The following UGT1A4 variants were observed in gnomAD, a reference collection of about 807,000 sequenced individuals.
UGT1A4 encodes UDP glucuronosyltransferase family 1 member A4.
In UGT1A4, 32 loss-of-function variants were observed where a neutral mutation model predicts 41.1. The observed-to-expected ratio is 0.78, with a 90% CI of 0.59 to 1.05. UGT1A4 has a LOEUF of 1.05. Ranked by LOEUF, UGT1A4 falls within the 50% of genes least tolerant of loss-of-function variation. The pLI is 0.00. For synonymous variants in UGT1A4, 283 were observed against 265.1 expected (o/e 1.07, Z -0.66); for missense variants, 748 against 677.4 (o/e 1.10, Z -1.16).
At position 233,769,321 on chromosome 2, in the gene UGT1A4, T is replaced by C. The variant is rs571873884; in HGVS notation, c.1307+882T>C. Among the ~76,000 whole-genome samples, 2 of 152,374 alleles carry C rather than the reference T, an allele frequency of 1.3e-5. No individual in the cohort carries two copies. The highest frequency in any genetic ancestry group is 4.1e-4 in the South Asian group (2 of 4,830). ...AGTATATTACTGTCAAGCTCACTGG[T>C]AATAGGCTTATTAGAACCTTATGGG... On this transcript the variant is annotated intron_variant, in intron 4 of 4. Coordinates refer to ENST00000373409, the MANE Select transcript of UGT1A4 (RefSeq NM_007120.3). The surrounding 1 kb of genome is among the most constrained non-coding windows in gnomAD (Gnocchi z 4.4).
chr2:233,740,218 G>C (rs908803369), intron 1 of UGT1A4, among the ~76,000 whole-genome samples: 7 of 151,840 alleles, frequency 4.6e-5, no homozygotes, highest in Non-Finnish European at 8.8e-5. Flanking sequence ...AGTCTCAGCT[G>C]CGTCTTTATA....
At chr2:233,733,869 C>T (rs975516121) in intron 1 of UGT1A4, among the ~76,000 whole-genome samples, 2 of 151,714 alleles carry the variant, frequency 1.3e-5, no homozygotes, top group Non-Finnish European at 2.9e-5. Context: ...GGAATAGTTT[C>T]AGAAGGAATG....
intron 1 of UGT1A4, chr2:233,761,211 C>G (rs35802766): frequency 6.2e-7 from 1 of 1,613,738 alleles, no homozygotes; most frequent in East Asian, 2.2e-5. Flanking sequence ...TACTTTGGAT[C>G]GATTAACTAG....
intron 1 of UGT1A4, chr2:233,741,673 T>C (rs1691737205): frequency 6.6e-6 from 1 of 151,938 alleles, no homozygotes; most frequent in Non-Finnish European, 1.5e-5. Context: ...TGCTGTTTAT[T>C]GCTTGGGTGC....
At chr2:233,764,893 C>A (rs1252796776) in intron 1 of UGT1A4, among the ~76,000 whole-genome samples, 1 of 150,656 alleles carries the variant, frequency 6.6e-6, no homozygotes, top group Non-Finnish European at 1.5e-5. Flanking sequence ...AAAGACAAAG[C>A]CCTTAAGAGC....
At chr2:233,760,224 G>T in intron 1 of UGT1A4, 1 of 1,586,312 alleles carries the variant, frequency 6.3e-7, no homozygotes. Flanking sequence ...TGTATCGATT[G>T]GTTTTTGCCA....
intron 1 of UGT1A4, chr2:233,747,444 A>G: frequency 6.2e-7 from 1 of 1,609,016 alleles, no homozygotes; most frequent in East Asian, 2.2e-5. Flanking sequence ...TTTCACCCTG[A>G]CAACCTATGC....
At chr2:233,758,327 A>G (rs1696843047) in intron 1 of UGT1A4, among the ~76,000 whole-genome samples, 1 of 152,192 alleles carries the variant, frequency 6.6e-6, no homozygotes, top group Non-Finnish European at 1.5e-5. Flanking sequence ...CAGCCTCAAA[A>G]AGCTTGGAAG....
Position 233,769,822 on chromosome 2 carries a change from T to G in UGT1A4, c.1307+1383T>G, listed in dbSNP as rs978750106. ...ATGAGCCGTGATCATGCCACTGCAC[T>G]CCAGCAACCTGGGCAACAGAGTGAG... On this transcript the variant is annotated intron_variant, in intron 4 of 4. Coordinates refer to ENST00000373409, the MANE Select transcript of UGT1A4 (RefSeq NM_007120.3). This position sits in a 1 kb window ranked among gnomAD's most constrained non-coding sequence, Gnocchi z 4.4. 2.6e-6 allele frequency: 2 copies of G among 764,448 alleles called. No individual in the cohort carries two copies. Among genetic ancestry groups the G allele is most frequent in the Admixed American group, 3.7e-5 (1 of 26,868 alleles). The allele number at this position is 764,448 out of a possible 1,614,324, so 47.4% of individuals were successfully genotyped here.
chr2:233,722,619 T>G (rs1335321752), intron 1 of UGT1A4, among the ~76,000 whole-genome samples: 2 of 152,244 alleles, frequency 1.3e-5, no homozygotes. Context: ...TGATTTTTCT[T>G]AATGAAGCAT....
At chr2:233,757,130 G>A (rs368401609) in intron 1 of UGT1A4, among the ~76,000 whole-genome samples, 1 of 151,410 alleles carries the variant, frequency 6.6e-6, no homozygotes, top group African/African-American at 2.4e-5. Context: ...GAGGAGGAAT[G>A]AGCTTGGACA....
chr2:233,737,540 C>T (rs191771735), intron 1 of UGT1A4, among the ~76,000 whole-genome samples: 164 of 152,332 alleles, frequency 1.1e-3, no homozygotes, highest in East Asian at 4.4e-3. Flanking sequence ...TGCCCTGCTT[C>T]GGCTTGCCCT....
intron 1 of UGT1A4, among the ~76,000 whole-genome samples, chr2:233,725,937 A>T (rs911094598): frequency 6.6e-6 from 1 of 152,148 alleles, no homozygotes; most frequent in Non-Finnish European, 1.5e-5. Context: ...AGACTGATGC[A>T]GGAGGATTGT....
intron 1 of UGT1A4, among the ~76,000 whole-genome samples, chr2:233,726,606 T>C (rs1453810186): frequency 1.3e-5 from 2 of 152,194 alleles, no homozygotes; most frequent in Admixed American, 6.5e-5. Flanking sequence ...GTGATTACAC[T>C]GTCCTGCCCA....
chr2:233,729,230 C>T, intron 1 of UGT1A4: 2 of 1,614,168 alleles, frequency 1.2e-6, no homozygotes, highest in Non-Finnish European at 1.7e-6. Context: ...TTGGTGGTGC[C>T]CATTGATGGC....
Position 233,755,239 on chromosome 2 carries a change from G to A in UGT1A4, c.868-11795G>A, listed in dbSNP as rs1377553031. On this transcript the variant is annotated intron_variant, in intron 1 of 4. Transcript: ENST00000373409. Reference sequence around the variant, plus strand: ...ATACCCTCGGACGAGGCCTACCGGGGTACTCCCAGCACCTCGTAGTAGTCC... The same window carrying A: ...ATACCCTCGGACGAGGCCTACCGGGATACTCCCAGCACCTCGTAGTAGTCC... 1.2e-5 allele frequency: 11 copies of A among 885,954 alleles called. No individual in the cohort carries two copies. In the South Asian group the frequency reaches 1.4e-4, roughly 11 times the overall value. The allele number at this position is 885,954 out of a possible 1,614,324, so 54.9% of individuals were successfully genotyped here.
chr2:233,751,391 A>G (rs1477667065), intron 1 of UGT1A4, among the ~76,000 whole-genome samples: 1 of 152,112 alleles, frequency 6.6e-6, no homozygotes, highest in African/African-American at 2.4e-5. Flanking sequence ...TGTCTCAGAT[A>G]AGACTTTGGA....
In UGT1A4 at chr2:233,723,736, A is replaced by ACGAG. The variant is rs2077123858; in HGVS notation, c.867+4051_867+4054dup. 4.0e-5 allele frequency among the ~76,000 whole-genome samples: 3 copies of ACGAG among 75,838 alleles called. No homozygotes were observed. The South Asian group carries it at 1.9e-3, about 47-fold the overall frequency. 49.8% of individuals were successfully genotyped at this position (75,838 alleles called of 152,430 possible). ...GATTAGGGATTGGTGATGACTCTTA[A>ACGAG]CGAGCATGCTGCCTTCAAGCATCTG... On this transcript the variant is annotated intron_variant, in intron 1 of 4. Transcript: ENST00000373409.
In UGT1A4 at chr2:233,718,992, G is replaced by T. The variant is rs746825567; in HGVS notation, c.172G>T (p.Ala58Ser). The T allele has an allele frequency of 1.9e-6, 3 of 1,614,262 alleles. No individual in the cohort carries two copies. Among genetic ancestry groups the T allele is most frequent in the Non-Finnish European group, 2.5e-6 (3 of 1,180,050 alleles). ...GGAGCTCCATGCCAGAGGCCACCAGGCGGTGGTCCTCACCCCAGAGGTGAA... is the reference window on the plus strand; with the variant it reads ...GGAGCTCCATGCCAGAGGCCACCAGTCGGTGGTCCTCACCCCAGAGGTGAA... The part of the protein sequence containing the change: ...LRELHARGHQ[A>S]VVLTPEVNMH... The change falls in exon 1 of 5, where the codon GCG (alanine) becomes TCG (serine). Residue 58 changes from alanine (A) to serine (S), a missense_variant. Ala to Ser is a moderately conservative substitution (Grantham distance 99). Transcript: ENST00000373409.
Sources: gnomAD v4.1 joint callset for allele counts (sites outside exome capture counted in the v4.1 genomes callset) on GRCh38, gnomAD v4.1.1 for gene constraint, Gnocchi (gnomAD v3.1) non-coding constraint, MANE v1.5 for transcripts, NCBI Gene and HGNC (gene_info 2026-07-23, HGNC 2026-07-21) for gene names.